Variants in PRDM16 observed in about 807,000 individuals in gnomAD.
PRDM16 encodes the protein PR/SET domain 16.
A neutral mutation model predicts 110.6 loss-of-function variants in PRDM16; 23 were observed. That is an observed-to-expected ratio of 0.21 (90% confidence interval 0.15 to 0.29). The LOEUF (loss-of-function observed/expected upper bound fraction) is 0.29. PRDM16 is among the 10% of genes least tolerant of loss of function. The pLI, the probability that PRDM16 is intolerant of heterozygous loss-of-function variation, is 1.00. For missense variants in PRDM16, 1,615 were observed against 1,794.3 expected (o/e 0.90, Z 1.81); for synonymous variants, 799 against 781.8 (o/e 1.02, Z -0.37).
chr1:3,342,355 C>T (rs1249401710), intron 3 of PRDM16, among the ~76,000 whole-genome samples: 1 of 152,212 alleles, frequency 6.6e-6, no homozygotes, highest in African/African-American at 2.4e-5. Flanking sequence ...TGGGAGCAAC[C>T]AAGCCACCCA....
chr1:3,341,285 AGGT>A (rs1230985755), intron 3 of PRDM16, among the ~76,000 whole-genome samples: 1 of 152,216 alleles, frequency 6.6e-6, no homozygotes, highest in Non-Finnish European at 1.5e-5. Context: ...TGGCAAGGGT[AGGT>A]CTCAGAGGGA....
At chr1:3,187,215 AC>A (rs931905587) in intron 2 of PRDM16, among the ~76,000 whole-genome samples, 25 of 151,434 alleles carry the variant, frequency 1.7e-4, no homozygotes, top group African/African-American at 3.9e-4. Flanking sequence ...TAACAGCCCC[AC>A]CCCCCCACAA....
At chr1:3,263,384 G>GC in intron 3 of PRDM16, among the ~76,000 whole-genome samples, 1 of 152,310 alleles carries the variant, frequency 6.6e-6, no homozygotes, top group South Asian at 2.1e-4. Flanking sequence ...CTCCCGTGGG[G>GC]CCCCCCGCAG....
intron 3 of PRDM16, among the ~76,000 whole-genome samples, chr1:3,328,231 G>A (rs79823300): frequency 0.073 from 11,109 of 152,326 alleles, 548 homozygotes; most frequent in East Asian, 0.19. Context: ...TGAGGGACTT[G>A]TTCCCTGGTC....
intron 3 of PRDM16, among the ~76,000 whole-genome samples, chr1:3,317,448 G>A (rs747642428): frequency 9.8e-5 from 15 of 152,360 alleles, no homozygotes; most frequent in African/African-American, 1.7e-4. Flanking sequence ...GAGTGCGGGC[G>A]TGCCGTCAGG....
intron 3 of PRDM16, among the ~76,000 whole-genome samples, chr1:3,260,742 A>G (rs201856870): frequency 4.6e-3 from 1 of 216 alleles, no homozygotes; most frequent in African/African-American, 0.02. Flanking sequence ...GATGGTGGTG[A>G]TGATGAGGAA....
intron 3 of PRDM16, among the ~76,000 whole-genome samples, chr1:3,266,546 A>T (rs1238950585): frequency 2.0e-5 from 3 of 152,162 alleles, no homozygotes; most frequent in Non-Finnish European, 4.4e-5. Flanking sequence ...CGACGAGGAG[A>T]GGGCCCCAGG....
intron 3 of PRDM16, among the ~76,000 whole-genome samples, chr1:3,377,310 CTCAGA>C (rs908093166): frequency 2.6e-5 from 4 of 152,192 alleles, no homozygotes; most frequent in Non-Finnish European, 5.9e-5. Flanking sequence ...TCCCTGCATG[CTCAGA>C]ATCCACTAGG....
chr1:3,438,324 C>G lies in PRDM16; in HGVS notation c.*4513C>G, dbSNP rs565141532. 4.9e-6 allele frequency: 1 copy of G among 202,054 alleles called. No homozygotes were observed. The highest frequency in any genetic ancestry group is 2.3e-5 in the African/African-American group (1 of 43,672). The allele number at this position is 202,054 out of a possible 1,614,324, so 12.5% of individuals were successfully genotyped here. Reference sequence around the variant, plus strand: ...TACGTCTGAGACTAGGAGTCCTGAACTGCTGACGCGAAAGAGGCGCAGTTC... The same window carrying G: ...TACGTCTGAGACTAGGAGTCCTGAAGTGCTGACGCGAAAGAGGCGCAGTTC... On this transcript the variant is annotated 3_prime_UTR_variant, in exon 17 of 17. Coordinates refer to ENST00000270722, the MANE Select transcript of PRDM16 (RefSeq NM_022114.4).
At chr1:3,336,176 G>A (rs1570096144) in intron 3 of PRDM16, among the ~76,000 whole-genome samples, 1 of 152,254 alleles carries the variant, frequency 6.6e-6, no homozygotes, top group Non-Finnish European at 1.5e-5. Flanking sequence ...TGCCAAGATA[G>A]CGGGGGACAT....
chr1:3,233,018 C>G (rs1639451383), intron 2 of PRDM16, among the ~76,000 whole-genome samples: 1 of 152,202 alleles, frequency 6.6e-6, no homozygotes, highest in African/African-American at 2.4e-5. Context: ...ATTTCCAGGT[C>G]ATTTCTATAA....
In PRDM16 at chr1:3,123,614, AG is replaced by A. The variant is rs1348240484; in HGVS notation, c.37+54325del. On this transcript the variant is annotated intron_variant, in intron 1 of 16. Coordinates refer to ENST00000270722, the MANE Select transcript of PRDM16 (RefSeq NM_022114.4). ...TGCAGCAGGTGCTGCTGGAACTGGG[AG>A]GGGGGGCAGCCCATCCCATGCCCCC... Among the ~76,000 whole-genome samples the A allele has an allele frequency of 3.3e-5, 5 of 152,222 alleles. No individual in the cohort carries two copies. In the East Asian group the frequency reaches 5.8e-4, roughly 18 times the overall value.
rs992758204 is a variant in PRDM16 at position 3,069,820 on chromosome 1, G to A, written c.37+524G>A. Among the ~76,000 whole-genome samples the A allele has an allele frequency of 6.6e-6, 1 of 152,042 alleles. No individual in the cohort carries two copies. Among genetic ancestry groups the A allele is most frequent in the Admixed American group, 6.5e-5 (1 of 15,280 alleles). On this transcript the variant is annotated intron_variant, in intron 1 of 16. Coordinates refer to ENST00000270722, the MANE Select transcript of PRDM16 (RefSeq NM_022114.4). The surrounding 1 kb of genome is among the most constrained non-coding windows in gnomAD (Gnocchi z 6.1). ...TGGCGTCCGCCAGCCGGGCGCAGAG[G>A]AGGGAGACCCCGAGCCGGGGAGGGG...
intron 1 of PRDM16, among the ~76,000 whole-genome samples, chr1:3,137,103 C>G (rs564842962): frequency 6.6e-6 from 1 of 152,292 alleles, no homozygotes; most frequent in African/African-American, 2.4e-5. Context: ...ATACACAGTG[C>G]AGGGGGTGGG....
intron 12 of PRDM16, among the ~76,000 whole-genome samples, chr1:3,424,516 G>T (rs546442206): frequency 6.8e-4 from 103 of 152,358 alleles, no homozygotes; most frequent in Admixed American, 4.1e-3. Context: ...GGAGGAAGGG[G>T]GTCTCATCCC....
chr1:3,130,794 G>T (rs1479784491), intron 1 of PRDM16, among the ~76,000 whole-genome samples: 1 of 111,550 alleles, frequency 9.0e-6, no homozygotes, highest in African/African-American at 5.5e-5. Flanking sequence ...CGGTGGGGGG[G>T]CTGTTTTTTT....
At chr1:3,279,132 C>T (rs1019907913) in intron 3 of PRDM16, among the ~76,000 whole-genome samples, 3 of 152,090 alleles carry the variant, frequency 2.0e-5, no homozygotes, top group African/African-American at 7.2e-5. Context: ...CAGCTGTGGC[C>T]CCGAGTCCGG....
rs1370344508 is a variant in PRDM16, at chr1:3,181,458, A to G, written c.38-4667A>G. ...CACAAGCAGTCTTACACGGTCTTAC[A>G]CACGGTCTTACACACGCAGTCTTAC... On this transcript the variant is annotated intron_variant, in intron 1 of 16. Coordinates refer to ENST00000270722, the MANE Select transcript of PRDM16 (RefSeq NM_022114.4). Among the ~76,000 whole-genome samples the G allele has an allele frequency of 4.9e-3, 222 of 45,198 alleles. 104 individuals carry two copies. Among genetic ancestry groups the G allele is most frequent in the Non-Finnish European group, 0.011 (163 of 14,662 alleles). The allele number at this position is 45,198 out of a possible 152,430, so 29.7% of individuals were successfully genotyped here.
intron 3 of PRDM16, among the ~76,000 whole-genome samples, chr1:3,285,294 C>T (rs1250200607): frequency 6.6e-6 from 1 of 152,160 alleles, no homozygotes; most frequent in East Asian, 1.9e-4. Flanking sequence ...GCCACCTGGG[C>T]GTTCTGATTA....
Sources: allele counts gnomAD v4.1 joint callset (sites outside exome capture counted in the v4.1 genomes callset), GRCh38; gene constraint gnomAD v4.1.1; non-coding constraint Gnocchi (gnomAD v3.1); transcripts MANE v1.5; gene names NCBI Gene and HGNC (gene_info 2026-07-23, HGNC 2026-07-21).